Variants in CA5B observed in about 807,000 individuals in gnomAD.
The protein encoded by CA5B is carbonic anhydrase 5B, mitochondrial.
In CA5B, 15 loss-of-function variants were observed where a neutral mutation model predicts 23.1. The ratio of observed to expected loss-of-function variants is 0.65; its 90% CI spans 0.43 to 1.00. The LOEUF (loss-of-function observed/expected upper bound fraction) is 1.00, where lower values mean the gene tolerates loss of function less well. CA5B is among the 50% of genes least tolerant of loss of function. The pLI is 0.00. For synonymous variants in CA5B, 84 were observed against 98.5 expected, an observed-to-expected ratio of 0.85 and a Z score of 0.87; for missense variants, 236 against 252.2, an observed-to-expected ratio of 0.94 and a Z score of 0.43.
intron 2 of CA5B, among the ~76,000 whole-genome samples, chrX:15,756,062 A>G (rs1931481000): frequency 8.9e-6 from 1 of 112,201 alleles, no homozygotes; most frequent in African/African-American, 3.2e-5. Context: ...GCTCAGGAAC[A>G]GAGAGAATAG....
At position 15,784,275 on chromosome X, in the gene CA5B, A is replaced by G. The variant is rs1257421057; in HGVS notation, c.*1611A>G. ...TATTATTTGCACGCTGTTACATAGT[A>G]TATAATGATAATGTTTTCTACAGTG... On this transcript the variant is annotated 3_prime_UTR_variant, in exon 8 of 8. Transcript: ENST00000318636. 1.8e-5 allele frequency: 2 copies of G among 112,782 alleles called. No homozygotes were observed. Among genetic ancestry groups the G allele is most frequent in the Non-Finnish European group, 3.7e-5 (2 of 53,388 alleles). The allele number at this position is 112,782 out of a possible 1,213,427, so 9.3% of individuals were successfully genotyped here.
At chrX:15,763,916 G>A (rs768606468) in intron 2 of CA5B, among the ~76,000 whole-genome samples, 9 of 112,102 alleles carry the variant, frequency 8.0e-5, no homozygotes, top group Non-Finnish European at 1.5e-4. Flanking sequence ...CCCAAGGACA[G>A]GAGCAGAAGA....
intron 3 of CA5B, chrX:15,769,485 G>A: frequency 2.7e-6 from 2 of 753,636 alleles, no homozygotes; most frequent in African/African-American, 2.3e-5. Flanking sequence ...TATTGGCACT[G>A]TCAACAGGCA....
chrX:15,778,986 A>G (rs1931976837), intron 7 of CA5B, among the ~76,000 whole-genome samples: 1 of 111,643 alleles, frequency 9.0e-6, no homozygotes, highest in African/African-American at 3.3e-5. Context: ...AAATAACCCT[A>G]TAAAGGTTAA....
intron 3 of CA5B, among the ~76,000 whole-genome samples, chrX:15,765,656 C>T (rs1163173168): frequency 2.7e-5 from 3 of 109,272 alleles, no homozygotes; most frequent in Non-Finnish European, 3.8e-5. Flanking sequence ...CTGTAGGATC[C>T]GAAGGCGTTT....
chrX:15,745,186 AAG>A (rs1158930622), intron 1 of CA5B, among the ~76,000 whole-genome samples: 6 of 100,560 alleles, frequency 6.0e-5, no homozygotes, highest in African/African-American at 2.4e-4. Flanking sequence ...AAAAAAAAAA[AAG>A]AAAAGAAAAG....
Position 15,784,854 on chromosome X carries a change from C to T in CA5B, c.*2190C>T, listed in dbSNP as rs904813369. 1.8e-5 allele frequency: 2 copies of T among 111,884 alleles called. No homozygotes were observed. The highest frequency in any genetic ancestry group is 6.5e-5 in the African/African-American group (2 of 30,794). 9.2% of individuals were successfully genotyped at this position (111,884 alleles called of 1,213,427 possible). On this transcript the variant is annotated 3_prime_UTR_variant, in exon 8 of 8. Transcript: ENST00000318636. Reference sequence around the variant, plus strand: ...CTTCTACAACTCAACAACAAAAAACCAAATAACTCAATTTTTAAAAATGGG... The same window carrying T: ...CTTCTACAACTCAACAACAAAAAACTAAATAACTCAATTTTTAAAAATGGG...
At chrX:15,747,398 ATTGT>A (rs1931256340) in intron 1 of CA5B, among the ~76,000 whole-genome samples, 2 of 110,539 alleles carry the variant, frequency 1.8e-5, no homozygotes, top group South Asian at 7.7e-4. Flanking sequence ...CTTGCTGCTG[ATTGT>A]TTGAGGAGGA....
At chrX:15,761,455 G>A (rs1287474327) in intron 2 of CA5B, among the ~76,000 whole-genome samples, 2 of 112,296 alleles carry the variant, frequency 1.8e-5, no homozygotes, top group African/African-American at 6.5e-5. Context: ...AGATGTGCCA[G>A]TTCATGTGCA....
chrX:15,746,688 A>T (rs1931241462), intron 1 of CA5B, among the ~76,000 whole-genome samples: 1 of 111,406 alleles, frequency 9.0e-6, no homozygotes, highest in Non-Finnish European at 1.9e-5. Flanking sequence ...GTTTTTAAAG[A>T]TAATTTCGCG....
chrX:15,760,503 G>C (rs2147261039), intron 2 of CA5B, among the ~76,000 whole-genome samples: 1 of 111,688 alleles, frequency 9.0e-6, no homozygotes, highest in African/African-American at 3.3e-5. Flanking sequence ...GGTCATTAAA[G>C]AGCAATTGAA....
At chrX:15,745,168 C>CA (rs371053756) in intron 1 of CA5B, among the ~76,000 whole-genome samples, 124 of 34,204 alleles carry the variant, frequency 3.6e-3, no homozygotes, top group East Asian at 0.026. Context: ...GACTCTGTCT[C>CA]AAAAAAAAAA....
intron 2 of CA5B, among the ~76,000 whole-genome samples, chrX:15,760,572 C>T (rs1237863924): frequency 9.0e-6 from 1 of 111,670 alleles, no homozygotes; most frequent in Non-Finnish European, 1.9e-5. Flanking sequence ...TGATACTTCC[C>T]ATTTCATGCA....
intron 1 of CA5B, 29 bp from the exon 2 acceptor site, chrX:15,749,942 C>T: frequency 1.8e-6 from 2 of 1,093,259 alleles, no homozygotes; most frequent in Non-Finnish European, 1.2e-6. Context: ...TTGTTTACAG[C>T]TTTCCCTCCT....
Position 15,784,459 on chromosome X carries a change from C to G in CA5B, c.*1795C>G, listed in dbSNP as rs1932079801. On this transcript the variant is annotated 3_prime_UTR_variant, in exon 8 of 8. Coordinates refer to ENST00000318636, the MANE Select transcript of CA5B (RefSeq NM_007220.4). Reference sequence around the variant, plus strand: ...TAGGGAGAGAAACTTGTCAGATAGGCTAAAATCTAGATAATTCTACATATT... The same window carrying G: ...TAGGGAGAGAAACTTGTCAGATAGGGTAAAATCTAGATAATTCTACATATT... The G allele has an allele frequency of 8.9e-6, 1 of 112,004 alleles. No homozygotes were observed. The highest frequency in any genetic ancestry group is 3.2e-5 in the African/African-American group (1 of 30,846). The allele number at this position is 112,004 out of a possible 1,213,427, so 9.2% of individuals were successfully genotyped here. A position where few individuals can be genotyped will look rare whatever the true frequency, so the allele number is the denominator to read the frequency against.
rs768121181 is a variant in CA5B, at chrX:15,749,897, C to G, written c.-53-74C>G. The G allele has an allele frequency of 8.7e-6, 7 of 803,427 alleles. No homozygotes were observed. The South Asian group carries it at 1.8e-4, about 21-fold the overall frequency. The allele number at this position is 803,427 out of a possible 1,213,427, so 66.2% of individuals were successfully genotyped here. Reference sequence around the variant, plus strand: ...GTGTACTGCTAGTCTGAATATTGTCCTGCTTAGAGGTTTCTCCATCATCTT... The same window carrying G: ...GTGTACTGCTAGTCTGAATATTGTCGTGCTTAGAGGTTTCTCCATCATCTT... On this transcript the variant is annotated intron_variant, in intron 1 of 7. Transcript: ENST00000318636.
At chrX:15,745,713 AAGCTTTC>A (rs937418667) in intron 1 of CA5B, 1 of 111,742 alleles carries the variant, frequency 8.9e-6, no homozygotes, top group Non-Finnish European at 1.9e-5. Flanking sequence ...CAGTTAAGGC[AAGCTTTC>A]CCCATATCTT....
intron 2 of CA5B, among the ~76,000 whole-genome samples, chrX:15,760,425 T>C (rs889499738): frequency 2.4e-4 from 27 of 111,202 alleles, no homozygotes; most frequent in Non-Finnish European, 4.3e-4. Context: ...GGGAGGTGGG[T>C]AGGAGGAAAG....
At chrX:15,771,204 CAAAAAAA>C (rs758945690) in intron 3 of CA5B, among the ~76,000 whole-genome samples, 19 of 30,189 alleles carry the variant, frequency 6.3e-4, no homozygotes, top group African/African-American at 2.2e-3. Flanking sequence ...CTCATCTCTA[CAAAAAAA>C]AAAAAAAAAA....
Sources: gnomAD v4.1 joint callset for allele counts (sites outside exome capture counted in the v4.1 genomes callset) on GRCh38, gnomAD v4.1.1 for gene constraint, MANE v1.5 for transcripts, NCBI Gene and HGNC (gene_info 2026-07-23, HGNC 2026-07-21) for gene names.